Variants in KLHL1 observed in about 807,000 individuals in gnomAD.
KLHL1 encodes kelch like family member 1.
Under a neutral mutation model 77.7 loss-of-function variants are expected in KLHL1, and 47 were observed. That is an observed-to-expected ratio of 0.60 (90% CI 0.48 to 0.77). The LOEUF (loss-of-function observed/expected upper bound fraction) is 0.77, where lower values mean the gene tolerates loss of function less well. Among genes scored for constraint, KLHL1 ranks in the 30% least tolerant of loss-of-function variants. KLHL1 has a pLI of 0.00. For synonymous variants in KLHL1, 360 were observed against 325.2 expected (o/e 1.11, Z -1.15); for missense variants, 925 against 910.8 (o/e 1.02, Z -0.20).
chr13:69,759,028 G>T (rs1450554809), intron 7 of KLHL1, among the ~76,000 whole-genome samples: 2 of 152,068 alleles, frequency 1.3e-5, no homozygotes, highest in Non-Finnish European at 2.9e-5. Context: ...GGAAATTAAG[G>T]GCAGGGATTG....
chr13:69,828,491 T>C (rs79164369), intron 6 of KLHL1, among the ~76,000 whole-genome samples: 6,525 of 149,916 alleles, frequency 0.044, 919 homozygotes, highest in African/African-American at 0.15. Context: ...AAACCTCCAG[T>C]TGAACTTTCT....
At chr13:69,973,975 T>C (rs1884469388) in intron 2 of KLHL1, among the ~76,000 whole-genome samples, 1 of 151,968 alleles carries the variant, frequency 6.6e-6, no homozygotes, top group South Asian at 2.1e-4. Context: ...TCAAATATTT[T>C]CTTTGTCTTG....
chr13:69,860,134 C>T (rs956301917), intron 5 of KLHL1, among the ~76,000 whole-genome samples: 6 of 151,980 alleles, frequency 3.9e-5, no homozygotes, highest in African/African-American at 1.2e-4. Context: ...CTAATAGCAG[C>T]CACAAATATT....
At chr13:69,824,327 T>TTG (rs1183487526) in intron 6 of KLHL1, among the ~76,000 whole-genome samples, 2 of 152,056 alleles carry the variant, frequency 1.3e-5, no homozygotes, top group African/African-American at 4.8e-5. Context: ...TAACACTATG[T>TTG]TGTAATTCAC....
chr13:69,952,369 G>C (rs1281809350), intron 3 of KLHL1, among the ~76,000 whole-genome samples: 2 of 151,156 alleles, frequency 1.3e-5, no homozygotes, highest in Non-Finnish European at 3.0e-5. Flanking sequence ...ATTTTTTCTT[G>C]TAAGACTGAA....
At chr13:70,089,934 C>A (rs1207884604) in intron 1 of KLHL1, among the ~76,000 whole-genome samples, 1 of 152,024 alleles carries the variant, frequency 6.6e-6, no homozygotes, top group East Asian at 1.9e-4. Context: ...ATTAAAGTAA[C>A]CAAAGCTAGT....
At chr13:70,023,770 G>T (rs1051331555) in intron 1 of KLHL1, among the ~76,000 whole-genome samples, 2 of 151,774 alleles carry the variant, frequency 1.3e-5, no homozygotes, top group African/African-American at 4.8e-5. Context: ...TTTCTAGCTT[G>T]TTTGTATATC....
At chr13:69,935,843 C>G (rs1401053137) in intron 4 of KLHL1, among the ~76,000 whole-genome samples, 1 of 151,982 alleles carries the variant, frequency 6.6e-6, no homozygotes, top group Non-Finnish European at 1.5e-5. Flanking sequence ...CAAAAGTACC[C>G]AAGAGAAACA....
chr13:69,965,851 C>T (rs1051860090), intron 2 of KLHL1, among the ~76,000 whole-genome samples: 2 of 152,088 alleles, frequency 1.3e-5, no homozygotes, highest in Non-Finnish European at 2.9e-5. Context: ...TGAGCCAAAG[C>T]CTAATCCAGA....
intron 1 of KLHL1, among the ~76,000 whole-genome samples, chr13:70,030,208 G>A (rs4555024): frequency 0.61 from 92,203 of 151,800 alleles, 29,723 homozygotes; most frequent in East Asian, 0.81. Flanking sequence ...TAGCAAGGAT[G>A]TCCAGGAATT....
intron 1 of KLHL1, among the ~76,000 whole-genome samples, chr13:70,081,614 C>G (rs1440945658): frequency 6.6e-6 from 1 of 152,248 alleles, no homozygotes; most frequent in East Asian, 1.9e-4. Flanking sequence ...TTCTTCCAAT[C>G]TACAAATGGA....
intron 4 of KLHL1, among the ~76,000 whole-genome samples, chr13:69,921,921 A>ATTTTT (rs1197300551): frequency 1.6e-5 from 2 of 122,640 alleles, no homozygotes; most frequent in Non-Finnish European, 3.3e-5. Flanking sequence ...TGAATGATTG[A>ATTTTT]TTTTTTTTTT....
At position 69,870,353 on chromosome 13, in the gene KLHL1, C is replaced by T. The variant is rs569070227; in HGVS notation, c.1227+11930G>A. 1.1e-3 allele frequency among the ~76,000 whole-genome samples: 162 copies of T among 152,132 alleles called. 1 individual carries two copies. Among genetic ancestry groups the T allele is most frequent in the Non-Finnish European group, 2.1e-3 (140 of 67,994 alleles). ...CTCACTCATTACCATGAGGACAGCA[C>T]CCAGACATTCATGAGGGATCTACCC... On this transcript the variant is annotated intron_variant, in intron 5 of 10. Coordinates refer to ENST00000377844, the MANE Select transcript of KLHL1 (RefSeq NM_020866.3).
chr13:70,027,617 A>G lies in KLHL1; in HGVS notation c.498-51815T>C, dbSNP rs562308992. Among the ~76,000 whole-genome samples the G allele has an allele frequency of 8.1e-5, 12 of 148,026 alleles. No homozygotes were observed. In the South Asian group the frequency reaches 2.6e-3, roughly 32 times the overall value. On this transcript the variant is annotated intron_variant, in intron 1 of 10. Coordinates refer to ENST00000377844, the MANE Select transcript of KLHL1 (RefSeq NM_020866.3). Reference sequence around the variant, plus strand: ...TCTCAAATGTCCTTTAATGTCACCTAACAGAGGGCATTTTTGAAGCGCAAA... The same window carrying G: ...TCTCAAATGTCCTTTAATGTCACCTGACAGAGGGCATTTTTGAAGCGCAAA...
intron 6 of KLHL1, among the ~76,000 whole-genome samples, chr13:69,806,600 CAATA>C (rs1877629003): frequency 1.3e-5 from 2 of 151,950 alleles, no homozygotes; most frequent in South Asian, 4.2e-4. Context: ...CGTGGGGAAA[CAATA>C]AGATAGAAAC....
At chr13:69,821,561 C>T (rs1203440721) in intron 6 of KLHL1, among the ~76,000 whole-genome samples, 6 of 152,070 alleles carry the variant, frequency 3.9e-5, no homozygotes, top group Non-Finnish European at 8.8e-5. Flanking sequence ...CTGATCCGCC[C>T]TCCTTGGCCT....
intron 8 of KLHL1, among the ~76,000 whole-genome samples, chr13:69,730,960 T>C (rs1011359363): frequency 2.8e-4 from 42 of 152,258 alleles, no homozygotes; most frequent in African/African-American, 9.6e-4. Flanking sequence ...ACTTTTAATA[T>C]TTAATATTGA....
rs1433128749 is a variant in KLHL1 at position 69,701,651 on chromosome 13, A to G, written c.*51T>C. ...AGTTCTCATTCTTGCCATTCAATAT[A>G]AAAATAACCACTCCAGCAAGTAAAA... On this transcript the variant is annotated 3_prime_UTR_variant, in exon 11 of 11. Transcript: ENST00000377844. 3 of 1,331,040 alleles carry G rather than the reference A, an allele frequency of 2.3e-6. No homozygotes were observed. The highest frequency in any genetic ancestry group is 3.2e-6 in the Non-Finnish European group (3 of 935,888). The allele number at this position is 1,331,040 out of a possible 1,614,324, so 82.5% of individuals were successfully genotyped here.
At chr13:69,919,994 TA>T in intron 4 of KLHL1, among the ~76,000 whole-genome samples, 1 of 152,262 alleles carries the variant, frequency 6.6e-6, no homozygotes, top group South Asian at 2.1e-4. Flanking sequence ...TATCATGATG[TA>T]AATTAAAGAA....
Sources: allele counts gnomAD v4.1 joint callset (sites outside exome capture counted in the v4.1 genomes callset), GRCh38; gene constraint gnomAD v4.1.1; transcripts MANE v1.5; gene names NCBI Gene and HGNC (gene_info 2026-07-23, HGNC 2026-07-21).